The following ADARB2 variants were observed in gnomAD, a reference collection of about 807,000 sequenced individuals.
The protein encoded by ADARB2 is adenosine deaminase RNA specific B2 (inactive).
ADARB2 carries 25 observed loss-of-function variants against 62.2 expected under a neutral mutation model. The ratio of observed to expected loss-of-function variants is 0.40; its 90% CI spans 0.29 to 0.56. The LOEUF (loss-of-function observed/expected upper bound fraction) is 0.56, where lower values mean the gene tolerates loss of function less well. Ranked by LOEUF, ADARB2 falls within the 20% of genes least tolerant of loss-of-function variation. The probability of loss-of-function intolerance (pLI) is 0.43; values close to 1 mark genes in which losing one functional copy is unlikely to be tolerated. For missense variants in ADARB2, 1,071 were observed against 1,077.4 expected (o/e 0.99, Z 0.08); for synonymous variants, 572 against 500.8 (o/e 1.14, Z -1.90).
chr10:1,317,756 G>GC (rs960280199), intron 3 of ADARB2, among the ~76,000 whole-genome samples: 3 of 140,760 alleles, frequency 2.1e-5, no homozygotes, highest in Non-Finnish European at 4.9e-5. Flanking sequence ...TAGGCCTGGG[G>GC]GGGGGTGGGT....
intron 6 of ADARB2, among the ~76,000 whole-genome samples, chr10:1,218,322 A>G (rs1236481913): frequency 6.6e-6 from 1 of 152,198 alleles, no homozygotes; most frequent in Non-Finnish European, 1.5e-5. Flanking sequence ...AAGTGCTGGG[A>G]TTACAGGCCT....
At chr10:1,376,830 CCAGGTCCACACGT>C (rs1346206320) in intron 2 of ADARB2, among the ~76,000 whole-genome samples, 1 of 135,718 alleles carries the variant, frequency 7.4e-6, no homozygotes, top group African/African-American at 2.8e-5. Context: ...CCACGTGTTT[CCAGGTCCACACGT>C]CAGGCTCAGC....
intron 3 of ADARB2, among the ~76,000 whole-genome samples, chr10:1,282,766 G>A (rs1467710105): frequency 6.6e-6 from 1 of 152,196 alleles, no homozygotes; most frequent in Non-Finnish European, 1.5e-5. Flanking sequence ...ATATGCTCAT[G>A]GGCCTGCAAG....
intron 3 of ADARB2, among the ~76,000 whole-genome samples, chr10:1,288,519 C>A (rs2131809108): frequency 6.6e-6 from 1 of 152,324 alleles, no homozygotes; most frequent in East Asian, 1.9e-4. Context: ...GCCCAGCACA[C>A]AGGCAGTAAG....
At chr10:1,510,075 TTC>T (rs1474876957) in intron 1 of ADARB2, among the ~76,000 whole-genome samples, 3 of 149,602 alleles carry the variant, frequency 2.0e-5, no homozygotes, top group South Asian at 4.2e-4. Flanking sequence ...CTTTCTTTCT[TTC>T]TCTTTCTCTC....
intron 1 of ADARB2, among the ~76,000 whole-genome samples, chr10:1,544,538 T>G (rs1203960229): frequency 6.6e-6 from 1 of 152,034 alleles, no homozygotes; most frequent in East Asian, 1.9e-4. Flanking sequence ...TCTGCAGGGT[T>G]GGAGAAGGCT....
intron 4 of ADARB2, among the ~76,000 whole-genome samples, chr10:1,265,576 G>T (rs1404695680): frequency 3.4e-5 from 5 of 147,716 alleles, no homozygotes; most frequent in Admixed American, 3.4e-4. Flanking sequence ...GACGGCCTGA[G>T]TCAGGTCCAC....
intron 1 of ADARB2, among the ~76,000 whole-genome samples, chr10:1,462,192 A>G (rs1831183097): frequency 6.7e-6 from 1 of 149,196 alleles, no homozygotes; most frequent in Admixed American, 6.7e-5. Flanking sequence ...ACCCAGCAGC[A>G]ACCCTCAGCC....
At chr10:1,508,492 C>T (rs992918196) in intron 1 of ADARB2, among the ~76,000 whole-genome samples, 5 of 152,156 alleles carry the variant, frequency 3.3e-5, no homozygotes, top group African/African-American at 9.7e-5. Context: ...CTAAAGAAGT[C>T]GTGTTAGCTG....
intron 2 of ADARB2, among the ~76,000 whole-genome samples, chr10:1,364,599 T>C (rs1434363948): frequency 1.3e-5 from 2 of 152,210 alleles, no homozygotes; most frequent in African/African-American, 4.8e-5. Context: ...AAAAAATGGA[T>C]GAATCACTAC....
rs545620530 is a variant in ADARB2 at position 1,650,804 on chromosome 10, T to C, written c.100+86247A>G. ...GTGCGTGCCTGGAGCTTCTCAGCAG[T>C]GGGACATTTGCCCCTAGCAGAGGGT... On this transcript the variant is annotated intron_variant, in intron 1 of 9. Transcript: ENST00000381312. 1.2e-4 allele frequency among the ~76,000 whole-genome samples: 18 copies of C among 152,296 alleles called. No homozygotes were observed. The South Asian group carries it at 3.3e-3, about 28-fold the overall frequency.
chr10:1,527,127 G>A (rs1314417990), intron 1 of ADARB2, among the ~76,000 whole-genome samples: 1 of 152,180 alleles, frequency 6.6e-6, no homozygotes, highest in Non-Finnish European at 1.5e-5. Flanking sequence ...TGAGGAGAAT[G>A]ACAAAGGGAA....
At chr10:1,522,892 G>T (rs997627385) in intron 1 of ADARB2, among the ~76,000 whole-genome samples, 3 of 152,116 alleles carry the variant, frequency 2.0e-5, no homozygotes, top group Non-Finnish European at 2.9e-5. Context: ...CACCTTGTTT[G>T]TGCCGCTCCA....
At chr10:1,442,521 C>T (rs1263620476) in intron 1 of ADARB2, among the ~76,000 whole-genome samples, 1 of 152,220 alleles carries the variant, frequency 6.6e-6, no homozygotes, top group Non-Finnish European at 1.5e-5. Flanking sequence ...GAAAACCAGA[C>T]ATTTTCACTT....
In ADARB2 at chr10:1,729,752, A is replaced by G. The variant is rs1031351966; in HGVS notation, c.100+7299T>C. ...ACCCTCTACTCGTTTGTTTTTAGCC[A>G]TAAGAAGAGATTTGACTTGGGTTAG... On this transcript the variant is annotated intron_variant, in intron 1 of 9. Transcript: ENST00000381312. Among the ~76,000 whole-genome samples, 10 of 152,328 alleles carry G rather than the reference A, an allele frequency of 6.6e-5. No individual in the cohort carries two copies. In the South Asian group the frequency reaches 1.7e-3, roughly 25 times the overall value.
chr10:1,463,378 G>A (rs17156353), intron 1 of ADARB2, among the ~76,000 whole-genome samples: 11,121 of 152,196 alleles, frequency 0.073, 461 homozygotes, highest in East Asian at 0.21. Flanking sequence ...AGAAACCTCC[G>A]TGTGTCGTTG....
intron 1 of ADARB2, among the ~76,000 whole-genome samples, chr10:1,490,778 C>T (rs140627180): frequency 1.3e-5 from 2 of 152,212 alleles, no homozygotes; most frequent in East Asian, 1.9e-4. Flanking sequence ...TTAAATAAGC[C>T]GTTAAATGGC....
At chr10:1,366,559 C>T (rs890546882) in intron 2 of ADARB2, among the ~76,000 whole-genome samples, 8 of 152,090 alleles carry the variant, frequency 5.3e-5, no homozygotes, top group Non-Finnish European at 2.9e-5. Flanking sequence ...TATTAATGTC[C>T]GATTTTCTCA....
At chr10:1,682,488 A>G (rs901535701) in intron 1 of ADARB2, among the ~76,000 whole-genome samples, 1 of 152,100 alleles carries the variant, frequency 6.6e-6, no homozygotes, top group Non-Finnish European at 1.5e-5. Flanking sequence ...CAAACCAGAG[A>G]CCCGAAAGGA....
Sources: gnomAD v4.1 joint callset for allele counts (sites outside exome capture counted in the v4.1 genomes callset) on GRCh38, gnomAD v4.1.1 for gene constraint, MANE v1.5 for transcripts, NCBI Gene and HGNC (gene_info 2026-07-23, HGNC 2026-07-21) for gene names.